RASGRF2: variants seen among roughly 807,000 people sequenced by gnomAD.
RASGRF2 encodes the protein ras-specific guanine nucleotide-releasing factor 2.
Under a neutral mutation model 151.0 loss-of-function variants are expected in RASGRF2, and 76 were observed. That is an observed-to-expected ratio of 0.50 (90% CI 0.42 to 0.61). The LOEUF (loss-of-function observed/expected upper bound fraction) is 0.61, where lower values mean the gene tolerates loss of function less well. Ranked by LOEUF, RASGRF2 falls within the 20% of genes least tolerant of loss-of-function variation. RASGRF2 has a pLI of 0.00. For missense variants in RASGRF2, 1,148 were observed against 1,564.6 expected (o/e 0.73, Z 4.49); for synonymous variants, 504 against 566.5 (o/e 0.89, Z 1.57).
At chr5:80,996,758 C>T (rs1748897842) in intron 1 of RASGRF2, among the ~76,000 whole-genome samples, 1 of 151,116 alleles carries the variant, frequency 6.6e-6, no homozygotes, top group African/African-American at 2.4e-5. Flanking sequence ...TGCCACCACA[C>T]CTGGCTAATT....
At chr5:81,124,474 T>G (rs961235893) in intron 16 of RASGRF2, among the ~76,000 whole-genome samples, 1 of 152,196 alleles carries the variant, frequency 6.6e-6, no homozygotes, top group Non-Finnish European at 1.5e-5. Flanking sequence ...TGAGTCCCAA[T>G]GTAGTCTGTA....
chr5:81,194,993 CCT>C (rs1419919666), intron 18 of RASGRF2, among the ~76,000 whole-genome samples: 1 of 152,216 alleles, frequency 6.6e-6, no homozygotes, highest in Non-Finnish European at 1.5e-5. Flanking sequence ...TCGTTCGAAT[CCT>C]CTCTCTCCAC....
chr5:81,021,717 C>T (rs776938640), intron 1 of RASGRF2, among the ~76,000 whole-genome samples: 1 of 152,120 alleles, frequency 6.6e-6, no homozygotes, highest in South Asian at 2.1e-4. Context: ...AACCACAATC[C>T]GTTCATTTGC....
chr5:81,107,196 C>CAAAAAAAAA lies in RASGRF2; in HGVS notation c.1756-1789_1756-1781dup, dbSNP rs35987554. On this transcript the variant is annotated intron_variant, in intron 12 of 26. Coordinates refer to ENST00000265080, the MANE Select transcript of RASGRF2 (RefSeq NM_006909.3). ...ATAACATAGCACGAACCTGTCTCTA[C>CAAAAAAAAA]AAAAAAAAAAAAAAAAAAATCTCAC... Among the ~76,000 whole-genome samples, 164 of 94,272 alleles carry CAAAAAAAAA rather than the reference C, an allele frequency of 1.7e-3. 3 individuals are homozygous for CAAAAAAAAA. The highest frequency in any genetic ancestry group is 6.8e-3 in the African/African-American group (162 of 23,754). The allele number at this position is 94,272 out of a possible 152,430, so 61.8% of individuals were successfully genotyped here. A position where few individuals can be genotyped will look rare whatever the true frequency, so the allele number is the denominator to read the frequency against.
intron 8 of RASGRF2, 81 bp downstream of exon 8, chr5:81,085,992 T>C: frequency 6.4e-7 from 1 of 1,566,662 alleles, no homozygotes; most frequent in Non-Finnish European, 8.7e-7. Context: ...GTATATGTTC[T>C]AAGGAACAAG....
rs1966482 is a variant in RASGRF2 at position 80,997,837 on chromosome 5, C to T, written c.288+36811C>T. 3.0e-3 allele frequency among the ~76,000 whole-genome samples: 463 copies of T among 151,974 alleles called. 1 individual carries two copies. The highest frequency in any genetic ancestry group is 0.011 in the African/African-American group (437 of 41,432). ...ACAAAAAATTAGCCGGGCGTGGTGGCGGGCGCCTGTAGTCCCAGCTGCTCG... is the reference window on the plus strand; with the variant it reads ...ACAAAAAATTAGCCGGGCGTGGTGGTGGGCGCCTGTAGTCCCAGCTGCTCG... On this transcript the variant is annotated intron_variant, in intron 1 of 26. Transcript: ENST00000265080.
At chr5:81,018,738 CTT>C (rs1310148747) in intron 1 of RASGRF2, among the ~76,000 whole-genome samples, 4 of 151,266 alleles carry the variant, frequency 2.6e-5, no homozygotes, top group East Asian at 3.9e-4. Context: ...TGACCACATA[CTT>C]TTTTACTGCT....
intron 18 of RASGRF2, among the ~76,000 whole-genome samples, chr5:81,185,149 T>G (rs1754998214): frequency 1.3e-5 from 2 of 151,758 alleles, no homozygotes; most frequent in African/African-American, 2.4e-5. Flanking sequence ...GTAGGAGAGG[T>G]CAAGGAGAGG....
chr5:81,095,268 C>T (rs1752514861), intron 12 of RASGRF2, among the ~76,000 whole-genome samples: 1 of 152,086 alleles, frequency 6.6e-6, no homozygotes, highest in African/African-American at 2.4e-5. Context: ...TTGTGTTGAA[C>T]AGTATTGAGA....
intron 17 of RASGRF2, among the ~76,000 whole-genome samples, chr5:81,171,017 C>T (rs1032768033): frequency 6.6e-6 from 1 of 152,134 alleles, no homozygotes; most frequent in African/African-American, 2.4e-5. Context: ...GACATTAAAA[C>T]CTTTTTGTAT....
At chr5:81,180,105 A>G (rs1580384673) in intron 17 of RASGRF2, 70 bp from the exon 18 acceptor site, 1 of 865,912 alleles carries the variant, frequency 1.2e-6, no homozygotes, top group East Asian at 2.5e-5. Context: ...GTCCTAAAAT[A>G]TATGACCTTT....
At chr5:81,193,430 C>T (rs1392266343) in intron 18 of RASGRF2, among the ~76,000 whole-genome samples, 1 of 152,216 alleles carries the variant, frequency 6.6e-6, no homozygotes, top group Non-Finnish European at 1.5e-5. Context: ...GGAGATAGTT[C>T]CAGGCTCTGC....
chr5:81,000,947 T>C (rs528514887), intron 1 of RASGRF2, among the ~76,000 whole-genome samples: 2 of 152,370 alleles, frequency 1.3e-5, no homozygotes, highest in South Asian at 4.1e-4. Context: ...AGGAGGATGA[T>C]GAATTGTTGC....
intron 1 of RASGRF2, among the ~76,000 whole-genome samples, chr5:80,995,011 C>T (rs975624823): frequency 1.3e-5 from 2 of 152,114 alleles, no homozygotes; most frequent in African/African-American, 2.4e-5. Context: ...AATCCCAGCA[C>T]TTTGGGAGGC....
chr5:81,169,018 C>T (rs1754582089), intron 17 of RASGRF2, among the ~76,000 whole-genome samples: 1 of 152,202 alleles, frequency 6.6e-6, no homozygotes, highest in African/African-American at 2.4e-5. Context: ...TTGTCTGGTA[C>T]ACTCTGTACC....
chr5:81,012,532 C>A (rs746294998), intron 1 of RASGRF2, among the ~76,000 whole-genome samples: 1 of 152,090 alleles, frequency 6.6e-6, no homozygotes, highest in Non-Finnish European at 1.5e-5. Context: ...ATCTAGACGG[C>A]GTCTGTCGGC....
intron 25 of RASGRF2, among the ~76,000 whole-genome samples, chr5:81,217,942 C>G (rs1413291790): frequency 2.6e-5 from 4 of 152,160 alleles, no homozygotes. Context: ...CGGGGTTTCA[C>G]TGTGTTAGCT....
chr5:81,152,253 C>T (rs1050563033), intron 17 of RASGRF2, among the ~76,000 whole-genome samples: 3 of 152,254 alleles, frequency 2.0e-5, no homozygotes, highest in Non-Finnish European at 2.9e-5. Context: ...CCGCCTGCCT[C>T]GGCCTCCCAA....
At position 81,219,693 on chromosome 5, in the gene RASGRF2, G is replaced by GT. The variant is rs764879883; in HGVS notation, c.3553-10dup. ...GCTTTTGTTGTTGTCATTTTGTTTTGTTTTTTTCTCTGTTAGATATCACAC... is the reference window on the plus strand; with the variant it reads ...GCTTTTGTTGTTGTCATTTTGTTTTGTTTTTTTTCTCTGTTAGATATCACAC... On this transcript the variant is annotated splice_polypyrimidine_tract_variant and intron_variant, in intron 25 of 26. Transcript: ENST00000265080. The GT allele has an allele frequency of 8.1e-6, 13 of 1,595,930 alleles. No individual in the cohort carries two copies. Among genetic ancestry groups the GT allele is most frequent in the South Asian group, 2.2e-5 (2 of 90,484 alleles).
Sources: allele counts gnomAD v4.1 joint callset (sites outside exome capture counted in the v4.1 genomes callset), GRCh38; gene constraint gnomAD v4.1.1; transcripts MANE v1.5; gene names NCBI Gene and HGNC (gene_info 2026-07-23, HGNC 2026-07-21).